Variants in GAB2 observed in about 807,000 individuals in gnomAD.
GAB2 encodes the protein GRB2 associated binding protein 2, also known as GRB2-associated-binding protein 2.
A neutral mutation model predicts 65.5 loss-of-function variants in GAB2; 26 were observed. The observed-to-expected ratio is 0.40, with a 90% CI of 0.29 to 0.55. The LOEUF (loss-of-function observed/expected upper bound fraction) is 0.55, where lower values mean the gene tolerates loss of function less well. Ranked by LOEUF, GAB2 falls within the 20% of genes least tolerant of loss-of-function variation. The pLI, the probability that GAB2 is intolerant of heterozygous loss-of-function variation, is 0.53. For synonymous variants in GAB2, 321 were observed against 329.6 expected (o/e 0.97, Z 0.28); for missense variants, 884 against 875.8 (o/e 1.01, Z -0.12).
At chr11:78,311,944 A>G (rs560355372) in intron 1 of GAB2, among the ~76,000 whole-genome samples, 10 of 152,140 alleles carry the variant, frequency 6.6e-5, no homozygotes, top group Non-Finnish European at 1.5e-4. Context: ...TCTACCGACA[A>G]TTTTACCTAA....
At chr11:78,394,287 C>CA (rs376725831) in intron 1 of GAB2, among the ~76,000 whole-genome samples, 2,810 of 151,642 alleles carry the variant, frequency 0.019, 66 homozygotes, top group African/African-American at 0.057. Flanking sequence ...GACTCCATCT[C>CA]AAAAAAAACA....
intron 1 of GAB2, among the ~76,000 whole-genome samples, chr11:78,281,333 C>A (rs1866330256): frequency 6.6e-6 from 1 of 151,974 alleles, no homozygotes; most frequent in Admixed American, 6.6e-5. Context: ...GCAACCTCCG[C>A]CTCCAGGGTT....
At chr11:78,344,709 A>G (rs564542309) in intron 1 of GAB2, among the ~76,000 whole-genome samples, 6 of 151,876 alleles carry the variant, frequency 4.0e-5, no homozygotes, top group African/African-American at 1.2e-4. Flanking sequence ...CTTCTAAGAG[A>G]AAAAAAAATT....
At position 78,331,615 on chromosome 11, in the gene GAB2, C is replaced by T. The variant is rs574502367; in HGVS notation, c.76-50714G>A. Among the ~76,000 whole-genome samples the T allele has an allele frequency of 2.3e-3, 355 of 152,288 alleles. 2 individuals are homozygous for T. Among genetic ancestry groups the T allele is most frequent in the South Asian group, 5.6e-3 (27 of 4,834 alleles). ...CTCCAAAAGATATAATGTGTTTAAA[C>T]ACATTGTGCAAACATGAGGAGTTGC... On this transcript the variant is annotated intron_variant, in intron 1 of 9. Coordinates refer to ENST00000361507, the MANE Select transcript of GAB2 (RefSeq NM_080491.3).
intron 1 of GAB2, among the ~76,000 whole-genome samples, chr11:78,330,415 C>T (rs1452008376): frequency 6.6e-6 from 1 of 152,154 alleles, no homozygotes; most frequent in Admixed American, 6.5e-5. Flanking sequence ...GAGTTTTTCA[C>T]AAGTATCCAT....
At chr11:78,401,955 G>C (rs760197049) in intron 1 of GAB2, among the ~76,000 whole-genome samples, 6 of 152,154 alleles carry the variant, frequency 3.9e-5, no homozygotes, top group African/African-American at 7.2e-5. Context: ...GAACCATATA[G>C]AATTATTTAT....
At chr11:78,285,595 G>C (rs1435951636) in intron 1 of GAB2, among the ~76,000 whole-genome samples, 1 of 152,214 alleles carries the variant, frequency 6.6e-6, no homozygotes, top group Non-Finnish European at 1.5e-5. Context: ...CCTCTCTTCA[G>C]TAAATGGGAT....
intron 1 of GAB2, among the ~76,000 whole-genome samples, chr11:78,384,910 T>C (rs139184679): frequency 9.8e-5 from 15 of 152,322 alleles, no homozygotes; most frequent in African/African-American, 2.6e-4. Flanking sequence ...CCAGAGTTTA[T>C]TGACATTTGA....
chr11:78,341,981 T>C (rs981351866), intron 1 of GAB2: 9 of 587,460 alleles, frequency 1.5e-5, no homozygotes, highest in Admixed American at 1.3e-4. Context: ...GTGTGTGTTG[T>C]GTTCCCCTCC....
At chr11:78,256,459 GA>G (rs1353689722) in intron 2 of GAB2, among the ~76,000 whole-genome samples, 1 of 152,170 alleles carries the variant, frequency 6.6e-6, no homozygotes, top group Non-Finnish European at 1.5e-5. Flanking sequence ...GCAGGGATGT[GA>G]AAAAGATTAG....
At chr11:78,313,157 A>G (rs1179217522) in intron 1 of GAB2, among the ~76,000 whole-genome samples, 2 of 152,152 alleles carry the variant, frequency 1.3e-5, no homozygotes, top group Non-Finnish European at 2.9e-5. Context: ...TCTGATGTGT[A>G]TAAGCCTTAG....
In GAB2 at chr11:78,365,756, G is replaced by C. The variant is rs951291674; in HGVS notation, c.75+51890C>G. Among the ~76,000 whole-genome samples, 14 of 152,290 alleles carry C rather than the reference G, an allele frequency of 9.2e-5. 1 individual carries two copies. The East Asian group carries it at 2.3e-3, about 25-fold the overall frequency. On this transcript the variant is annotated intron_variant, in intron 1 of 9. Transcript: ENST00000361507. ...CTATTGTTGAGCTTGAGGGGATGAA[G>C]CCTTGGATCGCAAAAAGCCTTCATC...
chr11:78,385,898 T>C (rs1856759579), intron 1 of GAB2, among the ~76,000 whole-genome samples: 1 of 152,206 alleles, frequency 6.6e-6, no homozygotes, highest in Non-Finnish European at 1.5e-5. Flanking sequence ...CATTGCATCT[T>C]TCATGCCTAG....
intron 1 of GAB2, among the ~76,000 whole-genome samples, chr11:78,297,774 C>A (rs963683367): frequency 6.6e-6 from 1 of 152,026 alleles, no homozygotes; most frequent in African/African-American, 2.4e-5. Flanking sequence ...AGCTTGAGAA[C>A]CATGTATTAT....
Position 78,301,626 on chromosome 11 carries a change from C to T in GAB2, c.76-20725G>A, listed in dbSNP as rs144899478. On this transcript the variant is annotated intron_variant, in intron 1 of 9. Coordinates refer to ENST00000361507, the MANE Select transcript of GAB2 (RefSeq NM_080491.3). ...GGGATTACAGGCGTGAGCCACCGTA[C>T]CCAGTCTTTAGTGGTATCTTTTAAA... is the stretch of plus-strand genomic sequence containing the variant. Among the ~76,000 whole-genome samples the T allele has an allele frequency of 8.1e-3, 1,229 of 152,284 alleles. 20 individuals are homozygous for T. The highest frequency in any genetic ancestry group is 0.027 in the African/African-American group (1,141 of 41,542).
At chr11:78,345,797 G>A (rs956493542) in intron 1 of GAB2, among the ~76,000 whole-genome samples, 2 of 152,194 alleles carry the variant, frequency 1.3e-5, no homozygotes, top group African/African-American at 4.8e-5. Context: ...AATGATGCCA[G>A]CTGGAAGGCA....
intron 2 of GAB2, among the ~76,000 whole-genome samples, chr11:78,252,472 C>T (rs781677611): frequency 3.5e-4 from 53 of 152,134 alleles, no homozygotes; most frequent in Admixed American, 2.2e-3. Context: ...ATACAAGCTA[C>T]TGCCTAAGAA....
chr11:78,385,965 G>A (rs528354499), intron 1 of GAB2, among the ~76,000 whole-genome samples: 9 of 152,254 alleles, frequency 5.9e-5, no homozygotes, highest in Middle Eastern at 3.4e-3. Context: ...GTGTAGCTAT[G>A]AGATATCTTT....
At chr11:78,399,331 G>A (rs1233931128) in intron 1 of GAB2, among the ~76,000 whole-genome samples, 2 of 152,194 alleles carry the variant, frequency 1.3e-5, no homozygotes, top group East Asian at 1.9e-4. Flanking sequence ...AAGCCCAGAA[G>A]GCGGCTCCCT....
Sources: allele counts gnomAD v4.1 joint callset (sites outside exome capture counted in the v4.1 genomes callset), GRCh38; gene constraint gnomAD v4.1.1; transcripts MANE v1.5; gene names NCBI Gene and HGNC (gene_info 2026-07-23, HGNC 2026-07-21).